The following CAMTA1 variants were observed in gnomAD, a reference collection of about 807,000 sequenced individuals.
The protein encoded by CAMTA1 is calmodulin-binding transcription activator 1.
In CAMTA1, 27 loss-of-function variants were observed where a neutral mutation model predicts 170.9. The ratio of observed to expected loss-of-function variants is 0.16; its 90% CI spans 0.12 to 0.22. The LOEUF (loss-of-function observed/expected upper bound fraction) is 0.22, where lower values mean the gene tolerates loss of function less well. Ranked by LOEUF, CAMTA1 falls within the 10% of genes least tolerant of loss-of-function variation. CAMTA1 has a pLI of 1.00. For missense variants in CAMTA1, 1,619 were observed against 2,217.2 expected, an observed-to-expected ratio of 0.73 and a Z score of 5.42; for synonymous variants, 833 against 891.5, an observed-to-expected ratio of 0.93 and a Z score of 1.17.
chr1:6,910,431 GA>G (rs1679450473), intron 3 of CAMTA1, among the ~76,000 whole-genome samples: 1 of 152,358 alleles, frequency 6.6e-6, no homozygotes, highest in Non-Finnish European at 1.5e-5. Flanking sequence ...AGCCAGGCTG[GA>G]ACGTAACTTT....
At chr1:7,055,888 G>A (rs72640038) in intron 3 of CAMTA1, among the ~76,000 whole-genome samples, 2,953 of 152,314 alleles carry the variant, frequency 0.019, 52 homozygotes, top group Middle Eastern at 0.034. Context: ...GTGCCCTTCT[G>A]CAGAGCCCTC....
intron 5 of CAMTA1, among the ~76,000 whole-genome samples, chr1:7,270,272 C>CAT (rs1669557202): frequency 2.7e-5 from 1 of 36,510 alleles, no homozygotes; most frequent in Admixed American, 3.3e-4. Context: ...CACACACACA[C>CAT]ACATATATAT....
chr1:6,982,962 G>A (rs957564234), intron 3 of CAMTA1, among the ~76,000 whole-genome samples: 1 of 152,280 alleles, frequency 6.6e-6, no homozygotes, highest in Admixed American at 6.5e-5. Context: ...GTGGAGGGAG[G>A]ATTATTGGGC....
At chr1:7,013,860 T>G (rs1700163911) in intron 3 of CAMTA1, among the ~76,000 whole-genome samples, 1 of 152,226 alleles carries the variant, frequency 6.6e-6, no homozygotes, top group South Asian at 2.1e-4. Flanking sequence ...TATCCCATAA[T>G]GCTCGGCTTC....
chr1:7,409,618 C>A (rs2090560397), intron 5 of CAMTA1, among the ~76,000 whole-genome samples: 1 of 152,214 alleles, frequency 6.6e-6, no homozygotes, highest in African/African-American at 2.4e-5. Flanking sequence ...GTGCTGAGCC[C>A]TCCCAGCTGC....
chr1:7,125,549 T>G (rs1441653231), intron 4 of CAMTA1, among the ~76,000 whole-genome samples: 1 of 151,260 alleles, frequency 6.6e-6, no homozygotes, highest in Non-Finnish European at 1.5e-5. Flanking sequence ...CTTCCTGGAG[T>G]AAGGGACAAA....
intron 5 of CAMTA1, among the ~76,000 whole-genome samples, chr1:7,331,601 C>T (rs1255227814): frequency 2.0e-5 from 3 of 152,212 alleles, no homozygotes; most frequent in Non-Finnish European, 2.9e-5. Context: ...CAAGGCACAT[C>T]ACATGCTAGC....
intron 22 of CAMTA1, among the ~76,000 whole-genome samples, chr1:7,756,120 T>C (rs988642493): frequency 6.6e-6 from 1 of 151,736 alleles, no homozygotes; most frequent in African/African-American, 2.4e-5. Context: ...GAGGTCGTAC[T>C]AGGGTTTTTT....
intron 6 of CAMTA1, among the ~76,000 whole-genome samples, chr1:7,493,623 G>A (rs2093774746): frequency 7.9e-6 from 1 of 126,326 alleles, no homozygotes; most frequent in Non-Finnish European, 1.6e-5. Flanking sequence ...CAAAAGCACA[G>A]CATCCATCCC....
intron 5 of CAMTA1, among the ~76,000 whole-genome samples, chr1:7,281,378 T>G (rs1285332603): frequency 1.3e-5 from 2 of 152,156 alleles, no homozygotes; most frequent in Non-Finnish European, 2.9e-5. Flanking sequence ...AAAATAAAAG[T>G]TGTAGAAACA....
At chr1:7,207,422 G>A (rs2149047488) in intron 4 of CAMTA1, among the ~76,000 whole-genome samples, 2 of 152,302 alleles carry the variant, frequency 1.3e-5, no homozygotes, top group South Asian at 4.1e-4. Flanking sequence ...AATTCAGGAG[G>A]AAAATCTGTC....
chr1:6,926,597 C>G (rs1010346305), intron 3 of CAMTA1, among the ~76,000 whole-genome samples: 1 of 130,824 alleles, frequency 7.6e-6, no homozygotes, highest in Admixed American at 8.1e-5. Context: ...CCTTTCCTTT[C>G]CTCTCTCTCT....
chr1:7,239,144 C>T (rs1194321376), intron 4 of CAMTA1, among the ~76,000 whole-genome samples: 1 of 152,184 alleles, frequency 6.6e-6, no homozygotes, highest in African/African-American at 2.4e-5. Context: ...ATCTCTCAGA[C>T]ACTGTATAAT....
chr1:7,769,444 T>C lies in CAMTA1; in HGVS notation c.*2953T>C, dbSNP rs1488178557. 1.3e-5 allele frequency: 2 copies of C among 152,804 alleles called. No individual in the cohort carries two copies. Among genetic ancestry groups the C allele is most frequent in the East Asian group, 3.7e-4 (2 of 5,340 alleles). The allele number at this position is 152,804 out of a possible 1,614,324, so 9.5% of individuals were successfully genotyped here. On this transcript the variant is annotated 3_prime_UTR_variant, in exon 23 of 23. Transcript: ENST00000303635. ...CCCTCTCTGGCTGCACGGTCGCTTA[T>C]GGCAGTTCCACACAGTAGTTGGCGC...
intron 4 of CAMTA1, among the ~76,000 whole-genome samples, chr1:7,140,620 C>T (rs1448371819): frequency 6.6e-6 from 1 of 151,998 alleles, no homozygotes; most frequent in East Asian, 1.9e-4. Context: ...TACTGTTTGT[C>T]AAACTCAGCC....
chr1:7,600,535 G>A (rs2095432315), intron 6 of CAMTA1, among the ~76,000 whole-genome samples: 1 of 151,038 alleles, frequency 6.6e-6, no homozygotes, highest in African/African-American at 2.4e-5. Context: ...TTCTCGCAGA[G>A]GGGGATTTGG....
intron 3 of CAMTA1, among the ~76,000 whole-genome samples, chr1:6,913,957 C>T (rs1680234449): frequency 6.6e-6 from 1 of 152,026 alleles, no homozygotes; most frequent in African/African-American, 2.4e-5. Context: ...AGTAAAGAGG[C>T]TACAAGGCCA....
chr1:7,164,184 A>G (rs576644866), intron 4 of CAMTA1, among the ~76,000 whole-genome samples: 2 of 152,242 alleles, frequency 1.3e-5, no homozygotes, highest in African/African-American at 2.4e-5. Flanking sequence ...AGTCCATCCT[A>G]TATTTTATCT....
chr1:7,533,008 T>C (rs2094508421), intron 6 of CAMTA1, among the ~76,000 whole-genome samples: 1 of 152,186 alleles, frequency 6.6e-6, no homozygotes, highest in East Asian at 1.9e-4. Flanking sequence ...CAATAATTAG[T>C]ACGTTGTTTT....
Sources: allele counts gnomAD v4.1 joint callset (sites outside exome capture counted in the v4.1 genomes callset), GRCh38; gene constraint gnomAD v4.1.1; transcripts MANE v1.5; gene names NCBI Gene and HGNC (gene_info 2026-07-23, HGNC 2026-07-21).